AMZ1: variants seen among roughly 807,000 people sequenced by gnomAD.
The protein encoded by AMZ1 is archaemetzincin-1.
A neutral mutation model predicts 29.9 loss-of-function variants in AMZ1; 39 were observed. The observed-to-expected ratio is 1.30, with a 90% CI of 1.01 to 1.70. The LOEUF (loss-of-function observed/expected upper bound fraction) is 1.70, where lower values mean the gene tolerates loss of function less well. Ranked by LOEUF, AMZ1 falls within the 40% of genes most tolerant of loss-of-function variation. The pLI, the probability that AMZ1 is intolerant of heterozygous loss-of-function variation, is 0.00. For missense variants in AMZ1, 1,041 were observed against 680.6 expected, an observed-to-expected ratio of 1.53 and a Z score of -5.89; for synonymous variants, 458 against 304.0, an observed-to-expected ratio of 1.51 and a Z score of -5.27.
chr7:2,758,654 A>C (rs914792451), intron 4 of AMZ1, among the ~76,000 whole-genome samples: 4 of 152,200 alleles, frequency 2.6e-5, no homozygotes, highest in Non-Finnish European at 5.9e-5. Context: ...GGGCCCCCAC[A>C]GCACACTTGG....
chr7:2,746,788 G>A (rs914653476), intron 4 of AMZ1, among the ~76,000 whole-genome samples: 6 of 152,092 alleles, frequency 3.9e-5, no homozygotes, highest in Admixed American at 2.0e-4. Flanking sequence ...TAATAAAGAA[G>A]AAAAGAGAGA....
chr7:2,687,370 C>G (rs1490919941), upstream of AMZ1, among the ~76,000 whole-genome samples: 1 of 151,680 alleles, frequency 6.6e-6, no homozygotes, highest in Non-Finnish European at 1.5e-5. Context: ...ACGATGGTGA[C>G]GAATCCCTCA....
At chr7:2,683,240 T>C (rs1022194115), upstream of AMZ1, among the ~76,000 whole-genome samples, 1 of 152,194 alleles carries the variant, frequency 6.6e-6, no homozygotes, top group East Asian at 1.9e-4. Flanking sequence ...CTGTCAATTC[T>C]GGAGGGCAGT....
In AMZ1 at chr7:2,700,643, C is replaced by T. The variant is rs148513555; in HGVS notation, c.192C>T (p.Phe64=). ...GCACCCTGCTCATCCGCACGGGCTT[C>T]GACTGGCTCCTGAGCCGACCCGAGG... ...LFCTLLIRTG[F]DWLLSRPEAP... is the part of the protein sequence containing the mutation. The change falls in exon 2 of 7, where the codon TTC becomes TTT. Residue 64 remains phenylalanine (F), a synonymous_variant. Coordinates refer to ENST00000683327, the MANE Select transcript of AMZ1 (RefSeq NM_001384743.1). The T allele has an allele frequency of 4.3e-5, 70 of 1,611,958 alleles. No homozygotes were observed. The highest frequency in any genetic ancestry group is 1.1e-4 in the East Asian group (5 of 44,890).
chr7:2,752,956 C>G lies in AMZ1; in HGVS notation n.551-11756C>G, dbSNP rs77649253. Among the ~76,000 whole-genome samples, 813 of 152,284 alleles carry G rather than the reference C, an allele frequency of 5.3e-3. 7 individuals are homozygous for G. Among genetic ancestry groups the G allele is most frequent in the African/African-American group, 0.018 (736 of 41,554 alleles). On this transcript the variant is annotated intron_variant and non_coding_transcript_variant, in intron 4 of 4. Transcript: ENST00000489665. ...TAACCACCACTGCAATCAAGAGACA[C>G]AACTGTCCCACCACAACGGTCTCCC...
intron 4 of AMZ1, among the ~76,000 whole-genome samples, chr7:2,750,359 C>G (rs773640257): frequency 6.6e-6 from 1 of 152,216 alleles, no homozygotes; most frequent in Non-Finnish European, 1.5e-5. Context: ...GAGCCTGCAA[C>G]TGATAGGTTA....
At chr7:2,763,151 T>C, upstream of AMZ1, 2 of 1,200,476 alleles carry the variant, frequency 1.7e-6, no homozygotes, top group Non-Finnish European at 2.1e-6. Context: ...TCTCGAATAT[T>C]CTGCTGACAA....
rs991112409 is a variant in AMZ1 at position 2,718,690 on chromosome 7, A to C, written c.*5812A>C. On this transcript the variant is annotated 3_prime_UTR_variant, in exon 7 of 7. Transcript: ENST00000683327. ...TTCTTCCAACACTTTCTCACGTAGG[A>C]GCTCCACTGTCCCTTCTAACAGGAC... is the stretch of plus-strand genomic sequence containing the variant. Among the ~76,000 whole-genome samples the C allele has an allele frequency of 4.7e-4, 72 of 152,286 alleles. 1 individual carries two copies. The highest frequency in any genetic ancestry group is 1.7e-3 in the African/African-American group (69 of 41,554).
chr7:2,710,189 C>T (rs1225580098), intron 6 of AMZ1, among the ~76,000 whole-genome samples: 1 of 145,548 alleles, frequency 6.9e-6, no homozygotes. Context: ...GTCACTGCTG[C>T]TCAGAGGAGG....
Position 2,731,103 on chromosome 7 carries a change from A to G in AMZ1, n.550+21287A>G, listed in dbSNP as rs1789864636. ...TCCGAGAAACCCACTCAAGGACCAC[A>G]CAGACAACACACACCCAAGAGTCTG... On this transcript the variant is annotated intron_variant and non_coding_transcript_variant, in intron 4 of 4. Transcript: ENST00000489665. The surrounding 1 kb of genome is among the most constrained non-coding windows in gnomAD (Gnocchi z 6.0). 2 of 972,440 alleles carry G rather than the reference A, an allele frequency of 2.1e-6. No homozygotes were observed. The highest frequency in any genetic ancestry group is 3.1e-6 in the Non-Finnish European group (2 of 636,988). 60.2% of individuals were successfully genotyped at this position (972,440 alleles called of 1,614,324 possible).
upstream of AMZ1, among the ~76,000 whole-genome samples, chr7:2,759,639 G>C (rs1188657635): frequency 2.0e-5 from 3 of 152,232 alleles, no homozygotes; most frequent in Non-Finnish European, 2.9e-5. Context: ...GGCAGGTTCA[G>C]AGGTGTTTGT....
intron 1 of AMZ1, among the ~76,000 whole-genome samples, chr7:2,697,881 G>A (rs1787834261): frequency 6.6e-6 from 1 of 152,224 alleles, no homozygotes; most frequent in Non-Finnish European, 1.5e-5. Context: ...AGTGATCTCA[G>A]TGGAAATTCA....
At chr7:2,679,863 A>G (rs547313091) in intron 1 of AMZ1, among the ~76,000 whole-genome samples, 63 of 152,330 alleles carry the variant, frequency 4.1e-4, no homozygotes, top group African/African-American at 1.4e-3. Context: ...GCGAGGGGCC[A>G]TAGCCCTGAA....
At chr7:2,750,246 A>G (rs798502) in intron 4 of AMZ1, among the ~76,000 whole-genome samples, 1 of 152,066 alleles carries the variant, frequency 6.6e-6, no homozygotes, top group Non-Finnish European at 1.5e-5. Flanking sequence ...GCTTAGACCC[A>G]TCAGAGAGCT....
chr7:2,724,302 C>T (rs1789539643), downstream of AMZ1, among the ~76,000 whole-genome samples: 2 of 152,258 alleles, frequency 1.3e-5, no homozygotes, highest in African/African-American at 4.8e-5. Flanking sequence ...AGACCTGCGA[C>T]CTGTCGAGAA....
At chr7:2,722,710 G>A (rs1283033501), downstream of AMZ1, among the ~76,000 whole-genome samples, 2 of 152,232 alleles carry the variant, frequency 1.3e-5, no homozygotes, top group Non-Finnish European at 2.9e-5. Flanking sequence ...AGCGACTCAT[G>A]CCTGTAATCC....
At chr7:2,762,696 G>T (rs1464347744), upstream of AMZ1, 1 of 1,576,260 alleles carries the variant, frequency 6.3e-7, no homozygotes, top group African/African-American at 1.4e-5. Context: ...ACGCTGCCCG[G>T]GTGGAGGAGC....
At chr7:2,759,426 C>T (rs766467875) in intron 4 of AMZ1, among the ~76,000 whole-genome samples, 1 of 152,124 alleles carries the variant, frequency 6.6e-6, no homozygotes. Flanking sequence ...ACTGTTCTGT[C>T]CATGTGACAG....
Position 2,712,357 on chromosome 7 carries a change from G to C in AMZ1, c.976G>C (p.Val326Leu). Residue 326 changes from valine (V) to leucine (L), a missense_variant, in exon 7 of 7, where the codon GTG becomes CTG. Transcript: ENST00000683327. ...QRLYTWTQAV[V>L]GTWPSQEAGE... ...ACTCTACACCTGGACTCAGGCGGTG[G>C]TGGGGACGTGGCCCAGCCAGGAGGC... is the stretch of plus-strand genomic sequence containing the variant. The C allele has an allele frequency of 6.3e-7, 1 of 1,599,200 alleles. No homozygotes were observed. Among genetic ancestry groups the C allele is most frequent in the Non-Finnish European group, 8.5e-7 (1 of 1,172,420 alleles).
Sources: allele counts gnomAD v4.1 joint callset (sites outside exome capture counted in the v4.1 genomes callset), GRCh38; gene constraint gnomAD v4.1.1; non-coding constraint Gnocchi (gnomAD v3.1); transcripts MANE v1.5; gene names NCBI Gene and HGNC (gene_info 2026-07-23, HGNC 2026-07-21).